Variants in EYA1 observed in about 807,000 individuals in gnomAD.
EYA1 encodes EYA transcriptional coactivator and phosphatase 1.
In EYA1, 16 loss-of-function variants were observed where a neutral mutation model predicts 82.0. The observed-to-expected ratio is 0.20, with a 90% CI of 0.13 to 0.30. EYA1 has a LOEUF of 0.30. Among genes scored for constraint, EYA1 ranks in the 10% least tolerant of loss-of-function variants. EYA1 has a pLI of 1.00. For missense variants in EYA1, 633 were observed against 730.7 expected (o/e 0.87, Z 1.54); for synonymous variants, 261 against 264.4 (o/e 0.99, Z 0.12).
At chr8:71,363,205 C>T (rs2129081418), upstream of EYA1, among the ~76,000 whole-genome samples, 1 of 152,164 alleles carries the variant, frequency 6.6e-6, no homozygotes, top group Non-Finnish European at 1.5e-5. Flanking sequence ...TTTTAAAAAT[C>T]ACAATAACTT....
At chr8:71,397,554 G>A (rs981736092) in intron 2 of EYA1, among the ~76,000 whole-genome samples, 8 of 152,160 alleles carry the variant, frequency 5.3e-5, no homozygotes, top group Admixed American at 1.3e-4. Context: ...ATGAAGTTTA[G>A]TTTGGCTGGA....
At chr8:71,482,723 C>T (rs191514214) in intron 2 of EYA1, among the ~76,000 whole-genome samples, 23 of 152,206 alleles carry the variant, frequency 1.5e-4, no homozygotes, top group Non-Finnish European at 2.8e-4. Context: ...CTGACATACA[C>T]GATAACATAG....
chr8:71,359,253 T>G (rs1299997497), intron 1 of EYA1, among the ~76,000 whole-genome samples: 2 of 152,198 alleles, frequency 1.3e-5, no homozygotes, highest in African/African-American at 4.8e-5. Context: ...ATTAAATTTA[T>G]AATTCTTCAC....
At chr8:71,507,765 G>T (rs1322242629) in intron 2 of EYA1, among the ~76,000 whole-genome samples, 2 of 152,326 alleles carry the variant, frequency 1.3e-5, no homozygotes, top group South Asian at 4.1e-4. Context: ...AGTGGGTATA[G>T]TGTGCTATCT....
intron 2 of EYA1, among the ~76,000 whole-genome samples, chr8:71,382,591 T>C (rs2129101742): frequency 6.6e-6 from 1 of 152,262 alleles, no homozygotes; most frequent in Non-Finnish European, 1.5e-5. Context: ...TATACATTAA[T>C]AGGAAATAGA....
chr8:71,297,090 C>G (rs1282214266), intron 9 of EYA1, among the ~76,000 whole-genome samples: 1 of 151,970 alleles, frequency 6.6e-6, no homozygotes, highest in Admixed American at 6.6e-5. Flanking sequence ...TTTCTCGGTT[C>G]AACTCATTCC....
At chr8:71,485,088 T>C (rs779696943) in intron 2 of EYA1, among the ~76,000 whole-genome samples, 1 of 152,240 alleles carries the variant, frequency 6.6e-6, no homozygotes, top group African/African-American at 2.4e-5. Context: ...TGGATGCGTA[T>C]TTCATTTTCA....
At chr8:71,425,128 A>AAT (rs1405276523) in intron 2 of EYA1, among the ~76,000 whole-genome samples, 1 of 148,904 alleles carries the variant, frequency 6.7e-6, no homozygotes, top group Non-Finnish European at 1.5e-5. Context: ...AAAAAAAAAA[A>AAT]ATCAATGAGC....
intron 3 of EYA1, among the ~76,000 whole-genome samples, chr8:71,335,718 G>A (rs934113847): frequency 7.9e-5 from 12 of 152,016 alleles, no homozygotes; most frequent in African/African-American, 2.4e-4. Context: ...CATCGTTTCA[G>A]GAAAGGCAGT....
At chr8:71,429,664 A>G (rs1382780962) in intron 2 of EYA1, among the ~76,000 whole-genome samples, 1 of 152,150 alleles carries the variant, frequency 6.6e-6, no homozygotes, top group Admixed American at 6.5e-5. Flanking sequence ...CTCAAAAAAT[A>G]TGTATTAAAT....
intron 7 of EYA1, among the ~76,000 whole-genome samples, chr8:71,311,105 T>C (rs1289967807): frequency 6.6e-6 from 1 of 152,156 alleles, no homozygotes; most frequent in African/African-American, 2.4e-5. Context: ...CCTCATATGA[T>C]TGGGCACCAC....
intron 2 of EYA1, among the ~76,000 whole-genome samples, chr8:71,436,406 C>T (rs145220009): frequency 1.1e-3 from 163 of 152,118 alleles, no homozygotes; most frequent in Middle Eastern, 0.01. Flanking sequence ...ATTGCCTTTC[C>T]GCAACAGTAC....
intron 15 of EYA1, 52 bp downstream of exon 15, chr8:71,215,562 A>G: frequency 1.9e-6 from 3 of 1,610,226 alleles, no homozygotes; most frequent in Non-Finnish European, 2.5e-6. Context: ...TCCAAAATGA[A>G]CAAGCACGAG....
intron 9 of EYA1, among the ~76,000 whole-genome samples, chr8:71,292,080 T>C (rs1204407605): frequency 6.6e-6 from 1 of 152,128 alleles, no homozygotes; most frequent in East Asian, 1.9e-4. Flanking sequence ...AAAAATGGTT[T>C]AAGTGATCTT....
chr8:71,208,589 G>A (rs1174293480), intron 17 of EYA1, among the ~76,000 whole-genome samples: 1 of 152,086 alleles, frequency 6.6e-6, no homozygotes, highest in East Asian at 1.9e-4. Context: ...AAGCTGTCAG[G>A]ATTAGAATCT....
At chr8:71,272,871 T>G (rs1351797702) in intron 9 of EYA1, among the ~76,000 whole-genome samples, 2 of 127,416 alleles carry the variant, frequency 1.6e-5, no homozygotes, top group Non-Finnish European at 3.5e-5. Flanking sequence ...AGATGAGGAA[T>G]GATTATTTTC....
chr8:71,347,543 C>T (rs1039507000), intron 3 of EYA1, among the ~76,000 whole-genome samples: 1 of 151,972 alleles, frequency 6.6e-6, no homozygotes, highest in South Asian at 2.1e-4. Flanking sequence ...AGGATAGTCT[C>T]GATCTCCTGA....
At chr8:71,210,093 A>G (rs1469536101) in intron 17 of EYA1, among the ~76,000 whole-genome samples, 1 of 152,206 alleles carries the variant, frequency 6.6e-6, no homozygotes, top group African/African-American at 2.4e-5. Context: ...ATAGACAAGG[A>G]AAGGGAAACA....
intron 6 of EYA1, among the ~76,000 whole-genome samples, chr8:71,321,184 C>T (rs1822496318): frequency 6.6e-6 from 1 of 152,104 alleles, no homozygotes; most frequent in Admixed American, 6.5e-5. Context: ...GAACAAATGT[C>T]CATGTGAGCC....
Sources: gnomAD v4.1 joint callset for allele counts (sites outside exome capture counted in the v4.1 genomes callset) on GRCh38, gnomAD v4.1.1 for gene constraint, MANE v1.5 for transcripts, NCBI Gene and HGNC (gene_info 2026-07-23, HGNC 2026-07-21) for gene names.